SHISA6: variants seen among roughly 807,000 people sequenced by gnomAD.
SHISA6 encodes the protein shisa family member 6.
SHISA6 carries 22 observed loss-of-function variants against 47.9 expected under a neutral mutation model. The observed-to-expected ratio is 0.46, with a 90% CI of 0.33 to 0.66. The LOEUF (loss-of-function observed/expected upper bound fraction) is 0.66. SHISA6 is among the 30% of genes least tolerant of loss of function. The pLI is 0.02. For synonymous variants in SHISA6, 388 were observed against 337.8 expected, an observed-to-expected ratio of 1.15 and a Z score of -1.63; for missense variants, 680 against 764.6, an observed-to-expected ratio of 0.89 and a Z score of 1.30.
rs761573372 is a variant in SHISA6, at chr17:11,558,030, C to A, written c.1382C>A (p.Pro461Gln). 2 of 1,551,628 alleles carry A rather than the reference C, an allele frequency of 1.3e-6. No individual in the cohort carries two copies. The highest frequency in any genetic ancestry group is 2.4e-5 in the South Asian group (2 of 84,062). The stretch of plus-strand genomic sequence containing the variant: ...CACTCCCAGGACCCGCTGCTGTCCC[C>A]GGAGCGGACGGCCTTTCCCGAGCAG... ...RLHSQDPLLS[P>Q]ERTAFPEQSL... The change falls in exon 6 of 6, where the codon CCG becomes CAG. Residue 461 changes from proline (P) to glutamine (Q), a missense_variant. This residue lies in a region of SHISA6 where 559 missense variants were observed against 674.1 expected (regional missense o/e 0.83). Coordinates refer to ENST00000441885, the MANE Select transcript of SHISA6 (RefSeq NM_207386.4).
chr17:11,448,519 A>G (rs1488819295), intron 3 of SHISA6, among the ~76,000 whole-genome samples: 1 of 151,882 alleles, frequency 6.6e-6, no homozygotes, highest in African/African-American at 2.4e-5. Context: ...GTGACAGAGT[A>G]ACACCCTGCC....
intron 3 of SHISA6, among the ~76,000 whole-genome samples, chr17:11,387,935 C>T (rs1339475254): frequency 6.6e-6 from 1 of 152,150 alleles, no homozygotes; most frequent in East Asian, 1.9e-4. Context: ...CCCACCAGCC[C>T]ATTTGTCTGG....
At chr17:11,527,525 A>G (rs1419575018) in intron 3 of SHISA6, among the ~76,000 whole-genome samples, 1 of 152,158 alleles carries the variant, frequency 6.6e-6, no homozygotes, top group African/African-American at 2.4e-5. Context: ...ATATTCAGTT[A>G]GTATTATTTA....
chr17:11,474,074 C>A (rs1915994328), intron 3 of SHISA6, among the ~76,000 whole-genome samples: 1 of 152,108 alleles, frequency 6.6e-6, no homozygotes, highest in Non-Finnish European at 1.5e-5. Context: ...CATGTCCCTG[C>A]AAAGGACATT....
intron 3 of SHISA6, among the ~76,000 whole-genome samples, chr17:11,394,983 A>ATTTTT (rs904272787): frequency 2.0e-5 from 2 of 100,154 alleles, no homozygotes; most frequent in Non-Finnish European, 4.2e-5. Context: ...GTGGCCCTTT[A>ATTTTT]TTTTTTTTTC....
intron 3 of SHISA6, among the ~76,000 whole-genome samples, chr17:11,385,649 T>A (rs943942807): frequency 6.6e-6 from 1 of 152,054 alleles, no homozygotes; most frequent in Admixed American, 6.6e-5. Context: ...GGTGAGTGGC[T>A]TTTGAAGCTG....
chr17:11,455,084 G>A (rs1386784077), intron 3 of SHISA6, among the ~76,000 whole-genome samples: 1 of 152,088 alleles, frequency 6.6e-6, no homozygotes, highest in Admixed American at 6.5e-5. Flanking sequence ...CAGGAGAATG[G>A]TGTGAACCCA....
chr17:11,285,353 TC>T (rs1185251872), intron 2 of SHISA6, among the ~76,000 whole-genome samples: 3 of 152,198 alleles, frequency 2.0e-5, no homozygotes, highest in African/African-American at 4.8e-5. Context: ...TTTGCTTTCT[TC>T]CCTTCAGCTT....
At chr17:11,398,845 C>T (rs867013625) in intron 3 of SHISA6, among the ~76,000 whole-genome samples, 1 of 152,100 alleles carries the variant, frequency 6.6e-6, no homozygotes, top group Non-Finnish European at 1.5e-5. Flanking sequence ...CCTGCTTTGG[C>T]CTCCCAAAGT....
intron 2 of SHISA6, among the ~76,000 whole-genome samples, chr17:11,360,008 C>A (rs902117876): frequency 6.6e-6 from 1 of 152,328 alleles, no homozygotes; most frequent in South Asian, 2.1e-4. Context: ...TATAAAGACA[C>A]ATGCACATGT....
At chr17:11,311,106 C>CAAA (rs71139101) in intron 2 of SHISA6, among the ~76,000 whole-genome samples, 8 of 48,574 alleles carry the variant, frequency 1.6e-4, no homozygotes, top group African/African-American at 4.0e-4. Context: ...GACTCCATCT[C>CAAA]AAAAAAAAAA....
chr17:11,337,588 CA>C (rs1185190491), intron 2 of SHISA6, among the ~76,000 whole-genome samples: 2 of 152,214 alleles, frequency 1.3e-5, no homozygotes, highest in Non-Finnish European at 2.9e-5. Context: ...CATGTAAGCA[CA>C]AAAAGGCAGG....
At chr17:11,417,894 G>C (rs61150800) in intron 3 of SHISA6, among the ~76,000 whole-genome samples, 28,353 of 152,172 alleles carry the variant, frequency 0.19, 3,075 homozygotes, top group South Asian at 0.36. Context: ...CCGTTTTAAA[G>C]GGAAGTTGAT....
chr17:11,295,207 G>A (rs530972885), intron 2 of SHISA6, among the ~76,000 whole-genome samples: 8 of 152,308 alleles, frequency 5.3e-5, no homozygotes, highest in East Asian at 1.9e-4. Flanking sequence ...AATTGAAACC[G>A]CAGAAAGCAA....
intron 3 of SHISA6, among the ~76,000 whole-genome samples, chr17:11,408,464 T>C (rs1032362532): frequency 1.3e-5 from 2 of 152,178 alleles, no homozygotes; most frequent in African/African-American, 4.8e-5. Flanking sequence ...AGAACCACTG[T>C]CATAAAGAAT....
At chr17:11,363,592 T>A (rs1177276338) in intron 2 of SHISA6, among the ~76,000 whole-genome samples, 2 of 152,174 alleles carry the variant, frequency 1.3e-5, no homozygotes, top group Non-Finnish European at 2.9e-5. Context: ...CTTGTTGTTA[T>A]AGTTGGGGTG....
chr17:11,308,344 CA>C (rs1910200926), intron 2 of SHISA6, among the ~76,000 whole-genome samples: 2 of 152,326 alleles, frequency 1.3e-5, no homozygotes, highest in South Asian at 4.1e-4. Context: ...TCCCTAAACA[CA>C]CAAACATCTG....
At chr17:11,322,956 A>G (rs1282891279) in intron 2 of SHISA6, among the ~76,000 whole-genome samples, 2 of 152,148 alleles carry the variant, frequency 1.3e-5, no homozygotes, top group African/African-American at 2.4e-5. Flanking sequence ...GAAGTTTGAG[A>G]GAAAGAGGCA....
intron 3 of SHISA6, among the ~76,000 whole-genome samples, chr17:11,464,401 G>A (rs543857757): frequency 6.6e-6 from 1 of 152,282 alleles, no homozygotes; most frequent in Non-Finnish European, 1.5e-5. Context: ...GGAGGCAGGA[G>A]GCTCTACTTT....
Sources: gnomAD v4.1 joint callset for allele counts (sites outside exome capture counted in the v4.1 genomes callset) on GRCh38, gnomAD v4.1.1 for gene constraint, gnomAD v4.1.1 regional missense constraint, MANE v1.5 for transcripts, NCBI Gene and HGNC (gene_info 2026-07-23, HGNC 2026-07-21) for gene names.